STK32C: variants seen among roughly 807,000 people sequenced by gnomAD.
The protein encoded by STK32C is serine/threonine kinase 32C.
STK32C carries 31 observed loss-of-function variants against 56.5 expected under a neutral mutation model. The ratio of observed to expected loss-of-function variants is 0.55; its 90% confidence interval spans 0.41 to 0.74. The LOEUF (loss-of-function observed/expected upper bound fraction) is 0.74, where lower values mean the gene tolerates loss of function less well. Ranked by LOEUF, STK32C falls within the 30% of genes least tolerant of loss-of-function variation. STK32C has a pLI of 0.00. For missense variants in STK32C, 544 were observed against 676.9 expected, an observed-to-expected ratio of 0.80 and a Z score of 2.18; for synonymous variants, 309 against 289.4, an observed-to-expected ratio of 1.07 and a Z score of -0.69.
chr10:132,267,626 CCTGT>C (rs61584475), intron 1 of STK32C, among the ~76,000 whole-genome samples: 19,150 of 141,122 alleles, frequency 0.14, 2,298 homozygotes, highest in African/African-American at 0.34. Context: ...CAGCTCTATG[CCTGT>C]CTGTGTGCAT....
At chr10:132,223,028 C>A (rs1180241686) in intron 8 of STK32C, 42 bp from the exon 9 acceptor site, 2 of 1,533,460 alleles carry the variant, frequency 1.3e-6, no homozygotes, top group Non-Finnish European at 1.7e-6. Flanking sequence ...GCCCACAGCC[C>A]ACCAGCACGG....
At position 132,225,790 on chromosome 10, in the gene STK32C, A is replaced by G; in HGVS notation, c.645-6T>C. ...TGTTGTCAGGCTTGACATCTCTAGA[A>G]AGAGCAGAAAGTGGGAAGGTGAGTT... is the stretch of plus-strand genomic sequence containing the variant. On this transcript the variant is annotated splice_polypyrimidine_tract_variant and splice_region_variant and intron_variant, in intron 4 of 11. Transcript: ENST00000298630. 6.2e-7 allele frequency: 1 copy of G among 1,614,002 alleles called. No homozygotes were observed. Among genetic ancestry groups the G allele is most frequent in the Non-Finnish European group, 8.5e-7 (1 of 1,179,998 alleles).
intron 1 of STK32C, among the ~76,000 whole-genome samples, chr10:132,256,094 A>T (rs1271885906): frequency 6.6e-6 from 1 of 151,972 alleles, no homozygotes; most frequent in Non-Finnish European, 1.5e-5. Context: ...CTGGGAACAT[A>T]CCCTGTGCCC....
intron 1 of STK32C, among the ~76,000 whole-genome samples, chr10:132,268,364 C>T (rs1313186377): frequency 7.5e-5 from 9 of 120,770 alleles, no homozygotes; most frequent in African/African-American, 2.6e-4. Context: ...CAGCTCTATG[C>T]CTGTCTGTGT....
chr10:132,214,699 A>T (rs1280106792), intron 10 of STK32C, among the ~76,000 whole-genome samples: 1 of 152,264 alleles, frequency 6.6e-6, no homozygotes, highest in East Asian at 1.9e-4. Flanking sequence ...GCATACAGAT[A>T]AATGAAATGA....
intron 1 of STK32C, among the ~76,000 whole-genome samples, chr10:132,280,518 TCCGTGATCACGCTGAGGCCTCCACA>T (rs1265627522): frequency 1.6e-5 from 2 of 124,770 alleles, no homozygotes; most frequent in East Asian, 5.2e-4. Context: ...GTCCCTGCAC[TCCGTGATCACGCTGAGGCCTCCACA>T]CCGTGACCAC....
intron 1 of STK32C, among the ~76,000 whole-genome samples, chr10:132,269,116 T>TGC (rs2064725390): frequency 6.6e-6 from 1 of 152,108 alleles, no homozygotes; most frequent in East Asian, 1.9e-4. Context: ...TGTGTGTGTG[T>TGC]GCCTGCGTGT....
intron 1 of STK32C, among the ~76,000 whole-genome samples, chr10:132,273,241 C>T (rs1364016928): frequency 3.3e-5 from 5 of 152,144 alleles, no homozygotes; most frequent in Non-Finnish European, 4.4e-5. Context: ...CACTAAGCGA[C>T]CCCACCAAGA....
chr10:132,307,770 CG>C lies in STK32C; in HGVS notation c.63del (p.Gly22AlafsTer67). 1 of 995,296 alleles carries C rather than the reference CG, an allele frequency of 1.0e-6. No homozygotes were observed. The allele number at this position is 995,296 out of a possible 1,614,324, so 61.7% of individuals were successfully genotyped here. On this transcript the variant is annotated frameshift_variant, in exon 1 of 12. Coordinates refer to ENST00000298630, the MANE Select transcript of STK32C (RefSeq NM_173575.4). LOFTEE classifies it high-confidence loss of function. The surrounding 1 kb of genome is among the most constrained non-coding windows in gnomAD (Gnocchi z 4.4). The stretch of plus-strand genomic sequence containing the variant: ...TCGGAGCCGGCGGGGCGCGCGCGGC[CG>C]GGGGGCGGCGAGCCCGGGGACGCCG... ...SAAASPGSPP[P>X]GRARPAGSDA...
intron 2 of STK32C, among the ~76,000 whole-genome samples, chr10:132,240,255 G>C (rs1238893119): frequency 3.3e-5 from 5 of 152,234 alleles, no homozygotes; most frequent in Non-Finnish European, 7.3e-5. Flanking sequence ...CACCTGCAGC[G>C]AGTCCCCCCG....
At position 132,238,747 on chromosome 10, in the gene STK32C, T is replaced by C. The variant is rs189366728; in HGVS notation, c.318+7153A>G. Among the ~76,000 whole-genome samples the C allele has an allele frequency of 7.2e-5, 11 of 152,142 alleles. No individual in the cohort carries two copies. The East Asian group carries it at 1.7e-3, about 24-fold the overall frequency. On this transcript the variant is annotated intron_variant, in intron 2 of 11. Coordinates refer to ENST00000298630, the MANE Select transcript of STK32C (RefSeq NM_173575.4). ...TCAGCAAGGCCCTGACATTAAAGCG[T>C]TGGAAATACACAGTTCATACATGTG...
In STK32C at chr10:132,213,590, G is replaced by C. The variant is rs562127334; in HGVS notation, c.1252-4489C>G. ...CAGCTCTTATTACCAGATACATCACGTCCAGCTTTCAACAAACATTACAAG... is the reference window on the plus strand; with the variant it reads ...CAGCTCTTATTACCAGATACATCACCTCCAGCTTTCAACAAACATTACAAG... On this transcript the variant is annotated intron_variant, in intron 10 of 11. Coordinates refer to ENST00000298630, the MANE Select transcript of STK32C (RefSeq NM_173575.4). Among the ~76,000 whole-genome samples, 188 of 152,270 alleles carry C rather than the reference G, an allele frequency of 1.2e-3. 1 individual carries two copies. Among genetic ancestry groups the C allele is most frequent in the African/African-American group, 4.3e-3 (179 of 41,546 alleles).
chr10:132,240,166 C>T (rs549538643), intron 2 of STK32C, among the ~76,000 whole-genome samples: 2 of 152,230 alleles, frequency 1.3e-5, no homozygotes, highest in African/African-American at 4.8e-5. Flanking sequence ...TGGCCTGAAA[C>T]CCATGACCCC....
chr10:132,314,052 CCT>C (rs1427416093), intron 1 of STK32C, among the ~76,000 whole-genome samples: 1 of 152,222 alleles, frequency 6.6e-6, no homozygotes, highest in African/African-American at 2.4e-5. Context: ...GGAGCAGCAG[CCT>C]CTGTCAGAAC....
chr10:132,282,510 CGCCCACCTGTGCCTGT>C (rs1248866469), intron 1 of STK32C, among the ~76,000 whole-genome samples: 16 of 116,850 alleles, frequency 1.4e-4, no homozygotes, highest in African/African-American at 1.9e-4. Flanking sequence ...CCTGTGCCTG[CGCCCACCTGTGCCTGT>C]GCCCACCTGT....
At chr10:132,234,385 C>T (rs922231962) in intron 2 of STK32C, among the ~76,000 whole-genome samples, 2 of 152,202 alleles carry the variant, frequency 1.3e-5, no homozygotes, top group South Asian at 4.1e-4. Flanking sequence ...TGCCTTGCCA[C>T]GGTCCCCTCT....
chr10:132,268,363 G>A (rs1247160909), intron 1 of STK32C, among the ~76,000 whole-genome samples: 5 of 146,238 alleles, frequency 3.4e-5, no homozygotes, highest in African/African-American at 1.3e-4. Flanking sequence ...TCAGCTCTAT[G>A]CCTGTCTGTG....
chr10:132,284,993 G>A (rs1327895578), intron 1 of STK32C, among the ~76,000 whole-genome samples: 2 of 134,096 alleles, frequency 1.5e-5, no homozygotes, highest in African/African-American at 5.7e-5. Context: ...TCTGCCCAAA[G>A]ACCAGGCATG....
chr10:132,292,191 C>T lies in STK32C; in HGVS notation c.262+15381G>A, dbSNP rs540531046. 1.5e-3 allele frequency among the ~76,000 whole-genome samples: 233 copies of T among 152,306 alleles called. 1 individual carries two copies. Among genetic ancestry groups the T allele is most frequent in the African/African-American group, 5.3e-3 (219 of 41,560 alleles). ...TGCCACCCTGGACATCCAGTGCCAACATAAGCACCTCCACGAGGAGTAGAC... is the reference window on the plus strand; with the variant it reads ...TGCCACCCTGGACATCCAGTGCCAATATAAGCACCTCCACGAGGAGTAGAC... On this transcript the variant is annotated intron_variant, in intron 1 of 11. Transcript: ENST00000298630.
Sources: gnomAD v4.1 joint callset for allele counts (sites outside exome capture counted in the v4.1 genomes callset) on GRCh38, gnomAD v4.1.1 for gene constraint, Gnocchi (gnomAD v3.1) non-coding constraint, MANE v1.5 for transcripts, NCBI Gene and HGNC (gene_info 2026-07-23, HGNC 2026-07-21) for gene names.